Variants in CACNA2D4 observed in about 807,000 individuals in gnomAD.
CACNA2D4 encodes calcium voltage-gated channel auxiliary subunit alpha2delta 4.
In CACNA2D4, 157 loss-of-function variants were observed where a neutral mutation model predicts 163.8. That is an observed-to-expected ratio of 0.96 (90% CI 0.84 to 1.09). The LOEUF (loss-of-function observed/expected upper bound fraction) is 1.09, where lower values mean the gene tolerates loss of function less well. Ranked by LOEUF, CACNA2D4 falls within the 50% of genes least tolerant of loss-of-function variation. The probability of loss-of-function intolerance (pLI) is 0.00; values close to 1 mark genes in which losing one functional copy is unlikely to be tolerated. For missense variants in CACNA2D4, 1,410 were observed against 1,479.9 expected, an observed-to-expected ratio of 0.95 and a Z score of 0.78; for synonymous variants, 598 against 586.9, an observed-to-expected ratio of 1.02 and a Z score of -0.27.
chr12:1,887,369 T>C (rs757355504), intron 6 of CACNA2D4, among the ~76,000 whole-genome samples: 37 of 152,294 alleles, frequency 2.4e-4, no homozygotes, highest in Non-Finnish European at 4.1e-4. Flanking sequence ...GGGGGAAGCT[T>C]TGGAGAAGTG....
In CACNA2D4 at chr12:1,802,014, G is replaced by A. The variant is rs1488706031; in HGVS notation, c.2722-370C>T. Among the ~76,000 whole-genome samples, 4 of 120,322 alleles carry A rather than the reference G, an allele frequency of 3.3e-5. No homozygotes were observed. Among genetic ancestry groups the A allele is most frequent in the Non-Finnish European group, 5.2e-5 (3 of 57,180 alleles). 78.9% of individuals were successfully genotyped at this position (120,322 alleles called of 152,430 possible). On this transcript the variant is annotated intron_variant, in intron 29 of 37. Coordinates refer to ENST00000382722, the MANE Select transcript of CACNA2D4 (RefSeq NM_172364.5). The surrounding 1 kb of genome is among the most constrained non-coding windows in gnomAD (Gnocchi z 4.7). ...TTATGAAACTGGATTTGTTTTATAT[G>A]CTGTGTGTGTGTGTGTGTGTGTGTG...
chr12:1,874,430 G>A lies in CACNA2D4; in HGVS notation c.1878+174C>T, dbSNP rs1162470800. ...CAATCCTGTCATTCCCTGGCTAGGT[G>A]TTTCTCCAGGGCCAATGCACCCTGC... On this transcript the variant is annotated intron_variant, in intron 18 of 37. Coordinates refer to ENST00000382722, the MANE Select transcript of CACNA2D4 (RefSeq NM_172364.5). The surrounding 1 kb of genome is among the most constrained non-coding windows in gnomAD (Gnocchi z 4.4). Among the ~76,000 whole-genome samples, 1 of 152,160 alleles carries A rather than the reference G, an allele frequency of 6.6e-6. No individual in the cohort carries two copies. The highest frequency in any genetic ancestry group is 1.9e-4 in the East Asian group (1 of 5,194).
intron 26 of CACNA2D4, among the ~76,000 whole-genome samples, chr12:1,837,488 G>A (rs987046394): frequency 3.9e-5 from 6 of 152,154 alleles, no homozygotes; most frequent in African/African-American, 1.4e-4. Flanking sequence ...TTATAAGCAT[G>A]CTGCAAGCCC....
At position 1,834,388 on chromosome 12, in the gene CACNA2D4, T is replaced by C; in HGVS notation, c.2551+6351A>G. Reference sequence around the variant, plus strand: ...AGCTGGAGGACGAGAATAGCTCAGCTGGGCTGGATATTCCTGGGCCACCCT... The same window carrying C: ...AGCTGGAGGACGAGAATAGCTCAGCCGGGCTGGATATTCCTGGGCCACCCT... On this transcript the variant is annotated intron_variant, in intron 26 of 37. Coordinates refer to ENST00000382722, the MANE Select transcript of CACNA2D4 (RefSeq NM_172364.5). The surrounding 1 kb of genome is among the most constrained non-coding windows in gnomAD (Gnocchi z 7.6). 2 of 1,613,154 alleles carry C rather than the reference T, an allele frequency of 1.2e-6. No individual in the cohort carries two copies. The highest frequency in any genetic ancestry group is 1.7e-6 in the Non-Finnish European group (2 of 1,180,008).
chr12:1,835,940 T>C (rs1864841590), intron 26 of CACNA2D4: 2 of 152,370 alleles, frequency 1.3e-5, no homozygotes, highest in South Asian at 4.1e-4. Context: ...GCTTTGCCAT[T>C]GGTGGCACCC....
Position 1,806,883 on chromosome 12 carries a change from A to T in CACNA2D4, c.2721+3395T>A, listed in dbSNP as rs931810716. ...AGCAGGGAGGAGCAGTGAGGAATGA[A>T]TGAGTTAGGGGAGGCCAGGCCCTGT... On this transcript the variant is annotated intron_variant, in intron 29 of 37. Transcript: ENST00000382722. The surrounding 1 kb of genome is among the most constrained non-coding windows in gnomAD (Gnocchi z 4.1). Among the ~76,000 whole-genome samples the T allele has an allele frequency of 1.3e-5, 2 of 151,980 alleles. No homozygotes were observed. Among genetic ancestry groups the T allele is most frequent in the African/African-American group, 4.8e-5 (2 of 41,386 alleles).
At position 1,800,016 on chromosome 12, in the gene CACNA2D4, G is replaced by A. The variant is rs142964907; in HGVS notation, c.2958C>T (p.Tyr986=). Residue 986 remains tyrosine, a synonymous_variant, in exon 33 of 38, where the codon TAC becomes TAT. Coordinates refer to ENST00000382722, the MANE Select transcript of CACNA2D4 (RefSeq NM_172364.5). ...LLEWSVWGSW[Y]DRGAEAKSVF... The stretch of plus-strand genomic sequence containing the variant: ...TGCACTCACCCTCGGCCCCTCTGTC[G>A]TACCAGGAGCCCCAGACACTCCACT... The A allele has an allele frequency of 2.2e-5, 35 of 1,604,596 alleles. No individual in the cohort carries two copies. The highest frequency in any genetic ancestry group is 1.3e-4 in the African/African-American group (10 of 74,752).
Position 1,846,322 on chromosome 12 carries a change from G to T in CACNA2D4, c.2342+272C>A, listed in dbSNP as rs190857240. ...GGTCCGGCCTCCATCCTGTTCTAGGGACCCACCACCAGGATGTGTAAGCCT... is the reference window on the plus strand; with the variant it reads ...GGTCCGGCCTCCATCCTGTTCTAGGTACCCACCACCAGGATGTGTAAGCCT... On this transcript the variant is annotated intron_variant, in intron 24 of 37. Transcript: ENST00000382722. Among the ~76,000 whole-genome samples, 180 of 152,256 alleles carry T rather than the reference G, an allele frequency of 1.2e-3. 1 individual carries two copies. The highest frequency in any genetic ancestry group is 4.0e-3 in the African/African-American group (168 of 41,532).
chr12:1,890,485 A>G (rs2154449991), intron 6 of CACNA2D4, among the ~76,000 whole-genome samples: 1 of 152,308 alleles, frequency 6.6e-6, no homozygotes, highest in East Asian at 1.9e-4. Context: ...CACCCTGAAG[A>G]CAAAATCCTC....
At chr12:1,845,087 G>C (rs2154447874) in intron 24 of CACNA2D4, among the ~76,000 whole-genome samples, 1 of 152,162 alleles carries the variant, frequency 6.6e-6, no homozygotes, top group South Asian at 2.1e-4. Context: ...AGCAGGGTGG[G>C]GGTGGGGAGC....
intron 29 of CACNA2D4, 93 bp downstream of exon 29, chr12:1,810,185 G>A (rs543138702): frequency 9.5e-7 from 1 of 1,054,408 alleles, no homozygotes; most frequent in South Asian, 1.3e-5. Context: ...TCCCTCCTGG[G>A]GCCGTGGGGC....
chr12:1,911,018 A>G (rs4765863), intron 3 of CACNA2D4, among the ~76,000 whole-genome samples: 21,769 of 145,568 alleles, frequency 0.15, 2,084 homozygotes, highest in East Asian at 0.51. Flanking sequence ...TTACCGCAAT[A>G]CAATTTTTTT....
intron 23 of CACNA2D4, among the ~76,000 whole-genome samples, chr12:1,852,365 G>A (rs1565711079): frequency 6.6e-6 from 1 of 152,032 alleles, no homozygotes; most frequent in Non-Finnish European, 1.5e-5. Flanking sequence ...CTACTGAGTG[G>A]CTTTAATGAA....
rs1864056651 is a variant in CACNA2D4 at position 1,820,587 on chromosome 12, T to C, written c.2552-8864A>G. The C allele has an allele frequency of 6.6e-6, 1 of 152,426 alleles. No homozygotes were observed. 9.4% of individuals were successfully genotyped at this position (152,426 alleles called of 1,614,324 possible). A position where few individuals can be genotyped will look rare whatever the true frequency, so the allele number is the denominator to read the frequency against. ...TCCATCCCTCTCTTTCCTTCTCAGT[T>C]TGTGACTGACCCAGCAGCCCCGTCC... On this transcript the variant is annotated intron_variant, in intron 26 of 37. Transcript: ENST00000382722. This position sits in a 1 kb window ranked among gnomAD's most constrained non-coding sequence, Gnocchi z 6.0.
intron 29 of CACNA2D4, chr12:1,809,459 G>C: frequency 1.5e-6 from 1 of 689,250 alleles, no homozygotes; most frequent in Non-Finnish European, 2.6e-6. Flanking sequence ...CGAGGCTCAG[G>C]CAGGAGGCGG....
chr12:1,871,567 G>A (rs553760994), intron 18 of CACNA2D4, among the ~76,000 whole-genome samples: 2 of 151,684 alleles, frequency 1.3e-5, no homozygotes, highest in East Asian at 3.9e-4. Context: ...GTGCTGGTGT[G>A]TGTACGTGTG....
Position 1,853,964 on chromosome 12 carries a change from G to A in CACNA2D4, c.2233C>T (p.Leu745Phe). The A allele has an allele frequency of 6.2e-7, 1 of 1,613,164 alleles. No individual in the cohort carries two copies. The highest frequency in any genetic ancestry group is 8.5e-7 in the Non-Finnish European group (1 of 1,179,434). Reference protein sequence around the residue: ...PMEAYWTALALNMSEESEHVV... With the variant: ...PMEAYWTALAFNMSEESEHVV... ...ACCTGGACCTACTCGGACATGTTGAGGGCCAGCGCTGTCCAGTAGGCTTCC... is the reference window on the plus strand; with the variant it reads ...ACCTGGACCTACTCGGACATGTTGAAGGCCAGCGCTGTCCAGTAGGCTTCC... The change falls in exon 23 of 38, where the codon CTC becomes TTC. Residue 745 changes from leucine (L) to phenylalanine (F), a missense_variant. Physicochemically the swap from Leu to Phe is conservative, Grantham distance 22 (BLOSUM62 0). Transcript: ENST00000382722.
rs548534283 is a variant in CACNA2D4 at position 1,799,867 on chromosome 12, G to A, written c.2974+133C>T. 796 of 1,253,638 alleles carry A rather than the reference G, an allele frequency of 6.3e-4. 1 individual carries two copies. The highest frequency in any genetic ancestry group is 1.9e-3 in the South Asian group (146 of 76,732). 77.7% of individuals were successfully genotyped at this position (1,253,638 alleles called of 1,614,324 possible). On this transcript the variant is annotated intron_variant, in intron 33 of 37. Transcript: ENST00000382722. This position sits in a 1 kb window ranked among gnomAD's most constrained non-coding sequence, Gnocchi z 4.7. ...GATGTGATGAGAGAAGGCCACGCAG[G>A]GTGAGATGTGAACAACGATGCTTCA...
chr12:1,812,544 T>G (rs991624548), intron 26 of CACNA2D4, among the ~76,000 whole-genome samples: 1 of 152,270 alleles, frequency 6.6e-6, no homozygotes, highest in African/African-American at 2.4e-5. Flanking sequence ...TCCTAGTGTC[T>G]GGTATAATAA....
Sources: gnomAD v4.1 joint callset for allele counts (sites outside exome capture counted in the v4.1 genomes callset) on GRCh38, gnomAD v4.1.1 for gene constraint, Gnocchi (gnomAD v3.1) non-coding constraint, MANE v1.5 for transcripts, NCBI Gene and HGNC (gene_info 2026-07-23, HGNC 2026-07-21) for gene names.